Variants in RABGAP1L observed in about 807,000 individuals in gnomAD.
RABGAP1L encodes rab GTPase-activating protein 1-like.
A neutral mutation model predicts 137.7 loss-of-function variants in RABGAP1L; 63 were observed. The ratio of observed to expected loss-of-function variants is 0.46; its 90% CI spans 0.37 to 0.56. RABGAP1L has a LOEUF of 0.56. Among genes scored for constraint, RABGAP1L ranks in the 20% least tolerant of loss-of-function variants. The pLI is 0.00. For synonymous variants in RABGAP1L, 431 were observed against 433.7 expected (o/e 0.99, Z 0.08); for missense variants, 1,095 against 1,244.0 (o/e 0.88, Z 1.80).
chr1:174,170,756 A>G (rs1665305891), intron 1 of RABGAP1L, among the ~76,000 whole-genome samples: 1 of 151,506 alleles, frequency 6.6e-6, no homozygotes, highest in Non-Finnish European at 1.5e-5. Flanking sequence ...GTGACTCTCT[A>G]CTACTACTCT....
At chr1:174,876,235 A>G (rs1230935121) in intron 19 of RABGAP1L, among the ~76,000 whole-genome samples, 1 of 152,210 alleles carries the variant, frequency 6.6e-6, no homozygotes, top group African/African-American at 2.4e-5. Context: ...GGTAATGAAG[A>G]CTAAACATTT....
At chr1:174,750,911 G>A (rs549182009) in intron 17 of RABGAP1L, among the ~76,000 whole-genome samples, 5 of 152,248 alleles carry the variant, frequency 3.3e-5, no homozygotes, top group African/African-American at 9.6e-5. Context: ...TTGGCAGGTG[G>A]GCAGCAGCTA....
chr1:174,981,493 CAT>C (rs769854015), intron 23 of RABGAP1L, among the ~76,000 whole-genome samples: 34 of 147,650 alleles, frequency 2.3e-4, no homozygotes, highest in Non-Finnish European at 4.8e-4. Context: ...AGAGGTAGAC[CAT>C]ATATGTTTTT....
intron 19 of RABGAP1L, among the ~76,000 whole-genome samples, chr1:174,815,514 A>G (rs72717617): frequency 0.22 from 32,901 of 152,162 alleles, 3,867 homozygotes; most frequent in Admixed American, 0.25. Flanking sequence ...ACATGTTCCC[A>G]TTTAATTACC....
rs941581824 is a variant in RABGAP1L, at chr1:174,644,175, CTG to C, written c.1824+6690_1824+6691del. Among the ~76,000 whole-genome samples, 23 of 152,034 alleles carry C rather than the reference CTG, an allele frequency of 1.5e-4. 1 individual carries two copies. Among genetic ancestry groups the C allele is most frequent in the African/African-American group, 5.5e-4 (23 of 41,462 alleles). ...TAAAATATAGATTTTTCTTCTGAGA[CTG>C]TGAAAGGTCAGGGTTTGTGAAGCTA... On this transcript the variant is annotated intron_variant, in intron 14 of 25. Coordinates refer to ENST00000681986, the MANE Select transcript of RABGAP1L (RefSeq NM_001366446.1).
intron 18 of RABGAP1L, among the ~76,000 whole-genome samples, chr1:174,781,078 T>A (rs1317266191): frequency 1.3e-5 from 2 of 152,198 alleles, no homozygotes; most frequent in African/African-American, 4.8e-5. Context: ...CCTTTGGGTA[T>A]ATACCCAGTA....
chr1:174,843,175 A>AGTCT (rs1427603993), intron 19 of RABGAP1L, among the ~76,000 whole-genome samples: 3 of 149,612 alleles, frequency 2.0e-5, no homozygotes, highest in Non-Finnish European at 3.0e-5. Context: ...AAATACTGTT[A>AGTCT]GTCTACCTCA....
intron 13 of RABGAP1L, among the ~76,000 whole-genome samples, chr1:174,621,725 C>T (rs983056055): frequency 3.2e-4 from 48 of 152,144 alleles, no homozygotes; most frequent in Middle Eastern, 3.4e-3. Context: ...AAGACTTAAA[C>T]GTTAGACCTA....
In RABGAP1L at chr1:174,991,653, C is replaced by G. The variant is rs952020602; in HGVS notation, c.*1652C>G. 1 of 152,146 alleles carries G rather than the reference C, an allele frequency of 6.6e-6. No individual in the cohort carries two copies. Among genetic ancestry groups the G allele is most frequent in the African/African-American group, 2.4e-5 (1 of 41,434 alleles). 9.4% of individuals were successfully genotyped at this position (152,146 alleles called of 1,614,324 possible). On this transcript the variant is annotated 3_prime_UTR_variant, in exon 26 of 26. Coordinates refer to ENST00000681986, the MANE Select transcript of RABGAP1L (RefSeq NM_001366446.1). ...TAATACTTTTCTTACATAAATCTTT[C>G]ATTGTTGTTCTGACATCTTTCATTA... is the stretch of plus-strand genomic sequence containing the variant.
At chr1:174,549,971 G>T (rs931596511) in intron 13 of RABGAP1L, among the ~76,000 whole-genome samples, 30 of 152,088 alleles carry the variant, frequency 2.0e-4, no homozygotes, top group Non-Finnish European at 4.0e-4. Flanking sequence ...GTTGAAGGCT[G>T]CAGTGCACTG....
chr1:174,444,366 C>G (rs1251855278), intron 13 of RABGAP1L, among the ~76,000 whole-genome samples: 1 of 151,774 alleles, frequency 6.6e-6, no homozygotes, highest in African/African-American at 2.4e-5. Context: ...ATTTTTGCAT[C>G]TATGTTTCTC....
At chr1:174,964,318 T>G (rs1358255521) in intron 20 of RABGAP1L, among the ~76,000 whole-genome samples, 2 of 152,116 alleles carry the variant, frequency 1.3e-5, no homozygotes, top group African/African-American at 4.8e-5. Context: ...ACACCCAAAA[T>G]ATTGAGCTAG....
At chr1:174,329,789 CT>C (rs1228175736) in intron 11 of RABGAP1L, among the ~76,000 whole-genome samples, 4 of 151,182 alleles carry the variant, frequency 2.6e-5, no homozygotes, top group African/African-American at 9.8e-5. Flanking sequence ...TGTGATAAAG[CT>C]TCCAGCAAAT....
At chr1:174,596,105 G>T (rs1244716628) in intron 13 of RABGAP1L, among the ~76,000 whole-genome samples, 2 of 130,970 alleles carry the variant, frequency 1.5e-5, no homozygotes, top group Non-Finnish European at 3.1e-5. Flanking sequence ...TCGGGTGGGA[G>T]TGACCCGATT....
intron 13 of RABGAP1L, among the ~76,000 whole-genome samples, chr1:174,522,305 C>A (rs1293619011): frequency 6.6e-6 from 1 of 152,106 alleles, no homozygotes; most frequent in Non-Finnish European, 1.5e-5. Flanking sequence ...AGTCCAGACA[C>A]AGTGACTCAA....
Position 174,304,203 on chromosome 1 carries a change from T to C in RABGAP1L, c.1324-783T>C, listed in dbSNP as rs565004224. ...TGAACATAAGGTCTTTCTTCTTTAG[T>C]CTATTAATATAGTGGATTATGCTGA... On this transcript the variant is annotated intron_variant, in intron 10 of 25. Coordinates refer to ENST00000681986, the MANE Select transcript of RABGAP1L (RefSeq NM_001366446.1). 1.3e-3 allele frequency among the ~76,000 whole-genome samples: 201 copies of C among 152,282 alleles called. 1 individual carries two copies. The highest frequency in any genetic ancestry group is 4.5e-3 in the African/African-American group (187 of 41,570).
intron 15 of RABGAP1L, 106 bp from the exon 16 acceptor site, chr1:174,699,419 A>G: frequency 1.0e-6 from 1 of 993,170 alleles, no homozygotes. Context: ...CATTTGCTCC[A>G]GGCCTTCAGC....
rs200050261 is a variant in RABGAP1L at position 174,890,938 on chromosome 1, G to A, written c.2341-66519G>A. On this transcript the variant is annotated intron_variant, in intron 19 of 25. Transcript: ENST00000681986. Reference sequence around the variant, plus strand: ...TTTTGCTCCTACAATACTGCAGTGAGTAATCTTATATAACATTTCACAAAA... The same window carrying A: ...TTTTGCTCCTACAATACTGCAGTGAATAATCTTATATAACATTTCACAAAA... Among the ~76,000 whole-genome samples the A allele has an allele frequency of 3.3e-5, 5 of 152,164 alleles. No homozygotes were observed. In the East Asian group the frequency reaches 9.6e-4, roughly 29 times the overall value.
At chr1:174,968,302 C>G (rs1289679128) in intron 20 of RABGAP1L, among the ~76,000 whole-genome samples, 1 of 152,170 alleles carries the variant, frequency 6.6e-6, no homozygotes, top group African/African-American at 2.4e-5. Flanking sequence ...ATCTGAAAAA[C>G]AGGAAGGTCT....
Sources: gnomAD v4.1 joint callset for allele counts (sites outside exome capture counted in the v4.1 genomes callset) on GRCh38, gnomAD v4.1.1 for gene constraint, MANE v1.5 for transcripts, NCBI Gene and HGNC (gene_info 2026-07-23, HGNC 2026-07-21) for gene names.